The following FARS2 variants were observed in gnomAD, a reference collection of about 807,000 sequenced individuals.
FARS2 encodes phenylalanyl-tRNA synthetase 2, mitochondrial.
FARS2 carries 40 observed loss-of-function variants against 46.4 expected under a neutral mutation model. That is an observed-to-expected ratio of 0.86 (90% CI 0.67 to 1.12). FARS2 has a LOEUF of 1.12. Among genes scored for constraint, FARS2 ranks in the 50% most tolerant of loss-of-function variants. The probability of loss-of-function intolerance (pLI) is 0.00; values close to 1 mark genes in which losing one functional copy is unlikely to be tolerated. For missense variants in FARS2, 513 were observed against 567.9 expected, an observed-to-expected ratio of 0.90 and a Z score of 0.98; for synonymous variants, 234 against 214.9, an observed-to-expected ratio of 1.09 and a Z score of -0.78.
At chr6:5,402,623 T>A (rs1761326619) in intron 2 of FARS2, among the ~76,000 whole-genome samples, 1 of 152,168 alleles carries the variant, frequency 6.6e-6, no homozygotes, top group South Asian at 2.1e-4. Context: ...GTTTTGTAAA[T>A]CCTCTAATTT....
chr6:5,502,950 A>G (rs1767886467), intron 4 of FARS2, among the ~76,000 whole-genome samples: 1 of 152,118 alleles, frequency 6.6e-6, no homozygotes, highest in African/African-American at 2.4e-5. Flanking sequence ...TGCTTTTGGA[A>G]GTTCATTTTG....
At chr6:5,274,803 C>G (rs978393618) in intron 1 of FARS2, among the ~76,000 whole-genome samples, 1 of 152,148 alleles carries the variant, frequency 6.6e-6, no homozygotes, top group Admixed American at 6.5e-5. Flanking sequence ...CTCCAACTTC[C>G]GGGCTCAAGC....
At chr6:5,477,035 AG>A (rs1198441405) in intron 4 of FARS2, among the ~76,000 whole-genome samples, 1 of 152,224 alleles carries the variant, frequency 6.6e-6, no homozygotes, top group Admixed American at 6.5e-5. Flanking sequence ...TTCTTTATAA[AG>A]ATAATCAGGC....
At position 5,424,447 on chromosome 6, in the gene FARS2, G is replaced by A. The variant is rs1445018037; in HGVS notation, c.773-6594G>A. On this transcript the variant is annotated intron_variant, in intron 3 of 6. Coordinates refer to ENST00000274680, the MANE Select transcript of FARS2 (RefSeq NM_006567.5). ...GGGCCACATGCAGGAATCTTTGGTA[G>A]GAGTAAGAAAAGGACTGAGGGCGTG... Among the ~76,000 whole-genome samples the A allele has an allele frequency of 3.9e-5, 6 of 152,160 alleles. No individual in the cohort carries two copies. In the East Asian group the frequency reaches 9.6e-4, roughly 24 times the overall value.
intron 4 of FARS2, among the ~76,000 whole-genome samples, chr6:5,518,371 A>G (rs866953295): frequency 5.9e-5 from 9 of 152,198 alleles, no homozygotes; most frequent in African/African-American, 1.9e-4. Flanking sequence ...AGAGAGTTCC[A>G]TTTTGGAAAT....
At chr6:5,489,849 A>G (rs537608333) in intron 4 of FARS2, among the ~76,000 whole-genome samples, 3 of 152,344 alleles carry the variant, frequency 2.0e-5, no homozygotes, top group East Asian at 1.9e-4. Flanking sequence ...ATAAATTGCC[A>G]TAGTTTTCTT....
intron 3 of FARS2, among the ~76,000 whole-genome samples, chr6:5,425,795 C>A (rs1031219100): frequency 2.6e-5 from 4 of 152,220 alleles, no homozygotes; most frequent in Non-Finnish European, 5.9e-5. Context: ...ACAAACTCAA[C>A]ATCCTTATTC....
chr6:5,303,091 A>C (rs1335433501), intron 1 of FARS2, among the ~76,000 whole-genome samples: 1 of 152,170 alleles, frequency 6.6e-6, no homozygotes, highest in East Asian at 1.9e-4. Flanking sequence ...CAAGAGAGTA[A>C]TTCTCCCAAG....
intron 5 of FARS2, among the ~76,000 whole-genome samples, chr6:5,593,553 G>A (rs1179606364): frequency 6.6e-6 from 1 of 152,110 alleles, no homozygotes; most frequent in Non-Finnish European, 1.5e-5. Context: ...TCTGCCAAAA[G>A]GAAGTTACCT....
chr6:5,351,745 G>A (rs1757590366), intron 1 of FARS2, among the ~76,000 whole-genome samples: 2 of 152,140 alleles, frequency 1.3e-5, no homozygotes, highest in African/African-American at 4.8e-5. Flanking sequence ...TGAGATGTGA[G>A]TAATTTTTAG....
intron 5 of FARS2, among the ~76,000 whole-genome samples, chr6:5,548,970 T>C (rs1771204176): frequency 6.6e-6 from 1 of 152,242 alleles, no homozygotes; most frequent in Non-Finnish European, 1.5e-5. Flanking sequence ...AAGTATTCAC[T>C]TATAATTAGT....
intron 1 of FARS2, among the ~76,000 whole-genome samples, chr6:5,346,087 G>A (rs759702910): frequency 4.6e-5 from 7 of 152,190 alleles, no homozygotes; most frequent in Non-Finnish European, 1.0e-4. Context: ...TATCAGGGAC[G>A]TGCAGTCACC....
intron 6 of FARS2, among the ~76,000 whole-genome samples, chr6:5,657,760 T>A (rs1412963026): frequency 6.6e-6 from 1 of 152,200 alleles, no homozygotes; most frequent in East Asian, 1.9e-4. Context: ...TTTATAACTC[T>A]CAGTTTCCAG....
At chr6:5,608,617 T>C in intron 5 of FARS2, among the ~76,000 whole-genome samples, 1 of 72,304 alleles carries the variant, frequency 1.4e-5, no homozygotes, top group Non-Finnish European at 3.9e-5. Flanking sequence ...TCAATTTAGA[T>C]ATATTGCATA....
chr6:5,356,083 T>C (rs1327269069), intron 1 of FARS2, among the ~76,000 whole-genome samples: 2 of 152,200 alleles, frequency 1.3e-5, no homozygotes, highest in Non-Finnish European at 2.9e-5. Context: ...TAAACAAGTG[T>C]CCTTTTCATG....
chr6:5,680,625 G>A (rs1778984451), intron 6 of FARS2, among the ~76,000 whole-genome samples: 1 of 152,136 alleles, frequency 6.6e-6, no homozygotes, highest in Admixed American at 6.5e-5. Context: ...AATTCAGCAA[G>A]TACCCACAGT....
At chr6:5,528,641 A>G (rs373530786) in intron 4 of FARS2, among the ~76,000 whole-genome samples, 5 of 152,156 alleles carry the variant, frequency 3.3e-5, no homozygotes, top group African/African-American at 4.8e-5. Context: ...CCTTACATAC[A>G]TCCACTCCAG....
chr6:5,533,191 C>A (rs1769973782), intron 4 of FARS2, among the ~76,000 whole-genome samples: 1 of 152,086 alleles, frequency 6.6e-6, no homozygotes, highest in Admixed American at 6.6e-5. Flanking sequence ...GAATGGTGAC[C>A]AAGGTAGGGG....
chr6:5,352,246 C>T (rs998444421), intron 1 of FARS2, among the ~76,000 whole-genome samples: 2 of 150,734 alleles, frequency 1.3e-5, no homozygotes, highest in African/African-American at 2.4e-5. Flanking sequence ...AGATTGGACA[C>T]TCCTGATTTA....
Sources: gnomAD v4.1 joint callset for allele counts (sites outside exome capture counted in the v4.1 genomes callset) on GRCh38, gnomAD v4.1.1 for gene constraint, MANE v1.5 for transcripts, NCBI Gene and HGNC (gene_info 2026-07-23, HGNC 2026-07-21) for gene names.